WDFY3: variants seen among roughly 807,000 people sequenced by gnomAD.
WDFY3 encodes WD repeat and FYVE domain-containing protein 3.
A neutral mutation model predicts 409.6 loss-of-function variants in WDFY3; 66 were observed. That is an observed-to-expected ratio of 0.16 (90% CI 0.13 to 0.20). The LOEUF (loss-of-function observed/expected upper bound fraction) is 0.20. Ranked by LOEUF, WDFY3 falls within the 10% of genes least tolerant of loss-of-function variation. The probability of loss-of-function intolerance (pLI) is 1.00; values close to 1 mark genes in which losing one functional copy is unlikely to be tolerated. For missense variants in WDFY3, 3,031 were observed against 4,298.1 expected (o/e 0.71, Z 8.24); for synonymous variants, 1,521 against 1,537.1 (o/e 0.99, Z 0.25).
At chr4:84,784,145 C>T (rs1441487966) in intron 24 of WDFY3, among the ~76,000 whole-genome samples, 1 of 152,182 alleles carries the variant, frequency 6.6e-6, no homozygotes, top group Non-Finnish European at 1.5e-5. Flanking sequence ...CTGACTGCTA[C>T]TTCTCAGTCT....
intron 44 of WDFY3, among the ~76,000 whole-genome samples, chr4:84,730,771 A>G (rs1736458302): frequency 6.6e-6 from 1 of 151,740 alleles, no homozygotes; most frequent in Non-Finnish European, 1.5e-5. Context: ...GACTAACAAT[A>G]GCTGATGAGT....
chr4:84,946,428 A>C (rs1772835029), intron 1 of WDFY3, among the ~76,000 whole-genome samples: 1 of 152,212 alleles, frequency 6.6e-6, no homozygotes, highest in African/African-American at 2.4e-5. Context: ...TCAAGAAAGA[A>C]TCACAATGGA....
intron 51 of WDFY3, among the ~76,000 whole-genome samples, chr4:84,712,893 G>T (rs1325006128): frequency 6.6e-6 from 1 of 152,166 alleles, no homozygotes; most frequent in Non-Finnish European, 1.5e-5. Flanking sequence ...ATAAAAACTT[G>T]TATTTAGAGT....
Position 84,690,498 on chromosome 4 carries a change from T to G in WDFY3, c.9363+8A>C. 2 of 1,614,110 alleles carry G rather than the reference T, an allele frequency of 1.2e-6. No homozygotes were observed. The highest frequency in any genetic ancestry group is 1.1e-5 in the South Asian group (1 of 91,084). ...GTCCTTCTTGGCATTTTCTATGTTC[T>G]CTCTTACCTGTTTGAGGGTGACGGT... On this transcript the variant is annotated splice_region_variant and intron_variant, in intron 61 of 67. Transcript: ENST00000295888.
intron 3 of WDFY3, among the ~76,000 whole-genome samples, chr4:84,867,004 G>A (rs752295368): frequency 3.9e-5 from 6 of 152,098 alleles, no homozygotes; most frequent in South Asian, 2.1e-4. Context: ...AAACACACCC[G>A]TATAATAAAT....
chr4:84,749,278 T>C (rs966014534), intron 36 of WDFY3, among the ~76,000 whole-genome samples: 7 of 152,188 alleles, frequency 4.6e-5, no homozygotes, highest in African/African-American at 7.2e-5. Context: ...TGTTACACCA[T>C]TGGAAGACAT....
chr4:84,923,741 G>A (rs1163138550), intron 2 of WDFY3, among the ~76,000 whole-genome samples: 1 of 152,182 alleles, frequency 6.6e-6, no homozygotes, highest in Non-Finnish European at 1.5e-5. Flanking sequence ...GCTCATGCCT[G>A]TAATCCCAGC....
intron 12 of WDFY3, among the ~76,000 whole-genome samples, chr4:84,819,718 C>T (rs1020577101): frequency 1.3e-5 from 2 of 151,996 alleles, no homozygotes; most frequent in African/African-American, 2.4e-5. Context: ...CATTATAATA[C>T]TCTAACTTGT....
intron 1 of WDFY3, among the ~76,000 whole-genome samples, chr4:84,965,118 C>T (rs1403096614): frequency 1.3e-5 from 2 of 152,110 alleles, no homozygotes; most frequent in Non-Finnish European, 2.9e-5. Flanking sequence ...TAAATTAGCA[C>T]ATTTTTAGTT....
At chr4:84,844,587 T>C (rs538957916) in intron 5 of WDFY3, 13 of 1,174,706 alleles carry the variant, frequency 1.1e-5, no homozygotes, top group Admixed American at 2.4e-5. Context: ...AGTACTGGGG[T>C]CAACATCATC....
intron 61 of WDFY3, among the ~76,000 whole-genome samples, chr4:84,689,382 T>C (rs947607882): frequency 5.9e-5 from 9 of 152,252 alleles, no homozygotes; most frequent in Admixed American, 1.3e-4. Context: ...TCCTTTTTCC[T>C]GGCACATTAC....
rs1424827403 is a variant in WDFY3 at position 84,683,969 on chromosome 4, T to A, written c.9700A>T (p.Thr3234Ser). The A allele has an allele frequency of 1.2e-6, 2 of 1,605,956 alleles. No homozygotes were observed. Among genetic ancestry groups the A allele is most frequent in the Admixed American group, 1.7e-5 (1 of 59,822 alleles). ...CGAACCACTCCATCTGAGTGTCCTG[T>A]CACTATGACGTTCTGCGTGTCCCAT... ...NEWDTQNVIV[T>S]GHSDGVVRFW... Residue 3234 changes from threonine (T) to serine (S), a missense_variant, in exon 63 of 68, where the codon ACA becomes TCA. By Grantham distance (58) the Thr-to-Ser change is moderately conservative. Around this residue, in one of 16 missense-constraint regions of WDFY3, gnomAD observed 378 missense variants for 477.3 expected, o/e 0.79. Transcript: ENST00000295888.
intron 2 of WDFY3, among the ~76,000 whole-genome samples, chr4:84,897,279 G>A (rs1473046185): frequency 1.3e-5 from 2 of 152,116 alleles, no homozygotes; most frequent in Admixed American, 6.5e-5. Context: ...GAGAACCACT[G>A]CCACAGAAAT....
chr4:84,836,911 A>G lies in WDFY3; in HGVS notation c.576+18T>C. The G allele has an allele frequency of 2.7e-6, 4 of 1,492,066 alleles. No individual in the cohort carries two copies. The highest frequency in any genetic ancestry group is 1.5e-5 in the South Asian group (1 of 68,942). 92.4% of individuals were successfully genotyped at this position (1,492,066 alleles called of 1,614,324 possible). A position where few individuals can be genotyped will look rare whatever the true frequency, so the allele number is the denominator to read the frequency against. ...CCCTTTAAATAGGGTGGAGGTAGGC[A>G]AATAGCACCTTTCATACCTGTACAA... On this transcript the variant is annotated intron_variant, in intron 7 of 67. Transcript: ENST00000295888.
chr4:84,899,753 G>A (rs1766102028), intron 2 of WDFY3, among the ~76,000 whole-genome samples: 1 of 152,064 alleles, frequency 6.6e-6, no homozygotes, highest in Admixed American at 6.6e-5. Context: ...ATAAAAACTG[G>A]GCCAAGTGTG....
intron 32 of WDFY3, among the ~76,000 whole-genome samples, chr4:84,757,904 G>A (rs993821949): frequency 6.6e-6 from 1 of 152,206 alleles, no homozygotes; most frequent in African/African-American, 2.4e-5. Flanking sequence ...TTGGAAAGCT[G>A]CTGGGCAGTG....
chr4:84,758,623 A>G (rs1741886350), intron 32 of WDFY3, among the ~76,000 whole-genome samples: 1 of 152,186 alleles, frequency 6.6e-6, no homozygotes, highest in East Asian at 1.9e-4. Context: ...TATTTTATAT[A>G]ATAAAGGAAA....
chr4:84,676,246 G>A (rs1209150785), intron 67 of WDFY3, among the ~76,000 whole-genome samples: 1 of 152,102 alleles, frequency 6.6e-6, no homozygotes, highest in Non-Finnish European at 1.5e-5. Context: ...GTACCCAAAA[G>A]GAAACCCAAA....
At chr4:84,868,727 T>A (rs1270603808) in intron 3 of WDFY3, among the ~76,000 whole-genome samples, 3 of 152,196 alleles carry the variant, frequency 2.0e-5, no homozygotes, top group Non-Finnish European at 4.4e-5. Context: ...GCTGCCTTTC[T>A]GGAACCCTTT....
Sources: allele counts gnomAD v4.1 joint callset (sites outside exome capture counted in the v4.1 genomes callset), GRCh38; gene constraint gnomAD v4.1.1; regional missense constraint gnomAD v4.1.1; transcripts MANE v1.5; gene names NCBI Gene and HGNC (gene_info 2026-07-23, HGNC 2026-07-21).